CLN5: variants seen among roughly 807,000 people sequenced by gnomAD.
CLN5 encodes the protein CLN5 lysosomal BMP synthase.
In CLN5, 34 loss-of-function variants were observed where a neutral mutation model predicts 36.7. The observed-to-expected ratio is 0.93, with a 90% CI of 0.71 to 1.23. The LOEUF is 1.23. Ranked by LOEUF, CLN5 falls within the 50% of genes most tolerant of loss-of-function variation. The pLI is 0.00. For synonymous variants in CLN5, 151 were observed against 155.1 expected, an observed-to-expected ratio of 0.97 and a Z score of 0.20; for missense variants, 427 against 439.4, an observed-to-expected ratio of 0.97 and a Z score of 0.25.
chr13:76,994,390 C>G (rs1455462160), intron 1 of CLN5: 1 of 152,348 alleles, frequency 6.6e-6, no homozygotes. Flanking sequence ...CGGCCTTCAT[C>G]TCTTTCTTTG....
intron 1 of CLN5, 50 bp downstream of exon 1, chr13:76,992,321 T>TTG: frequency 2.6e-6 from 2 of 760,742 alleles, no homozygotes; most frequent in African/African-American, 2.1e-5. Context: ...GCGTTGACGA[T>TTG]GGGGGATGGG....
intron 2 of CLN5, 61 bp downstream of exon 2, chr13:76,995,289 T>G (rs1022330558): frequency 6.7e-7 from 1 of 1,481,596 alleles, no homozygotes; most frequent in Non-Finnish European, 9.4e-7. Flanking sequence ...ATTAAGTTGA[T>G]TTTTAAGGAG....
intron 3 of CLN5, chr13:76,997,472 T>C (rs2034288451): frequency 6.6e-6 from 1 of 152,210 alleles, no homozygotes; most frequent in Admixed American, 6.5e-5. Context: ...ATGGGATTGT[T>C]TTTTTCTTGC....
chr13:77,000,421 G>A lies in CLN5; in HGVS notation c.566-37G>A. On this transcript the variant is annotated intron_variant, in intron 3 of 3. Coordinates refer to ENST00000377453, the MANE Select transcript of CLN5 (RefSeq NM_006493.4). ...AAAAAAAATTAACATGATTAGCTTTGTTCACTAGGTGACTTTGTTTTGTTT... is the reference window on the plus strand; with the variant it reads ...AAAAAAAATTAACATGATTAGCTTTATTCACTAGGTGACTTTGTTTTGTTT... 3 of 1,483,790 alleles carry A rather than the reference G, an allele frequency of 2.0e-6. No homozygotes were observed. The South Asian group carries it at 3.6e-5, about 18-fold the overall frequency. The allele number at this position is 1,483,790 out of a possible 1,614,324, so 91.9% of individuals were successfully genotyped here.
At position 76,994,819 on chromosome 13, in the gene CLN5, A is replaced by G. The variant is rs568578440; in HGVS notation, c.174-244A>G. On this transcript the variant is annotated intron_variant, in intron 1 of 3. Transcript: ENST00000377453. ...TTTTAAGACAAAATTCCTGTCTTCA[A>G]AATTTTCACAGTGGGATCAGGGAAC... 98 of 409,240 alleles carry G rather than the reference A, an allele frequency of 2.4e-4. 2 individuals carry two copies. In the South Asian group the frequency reaches 3.5e-3, roughly 15 times the overall value. The allele number at this position is 409,240 out of a possible 1,614,324, so 25.4% of individuals were successfully genotyped here.
rs1159432395 is a variant in CLN5 at position 77,000,565 on chromosome 13, T to G, written c.673T>G (p.Trp225Gly). The G allele has an allele frequency of 6.2e-7, 1 of 1,614,086 alleles. No individual in the cohort carries two copies. Among genetic ancestry groups the G allele is most frequent in the Non-Finnish European group, 8.5e-7 (1 of 1,180,006 alleles). Residue 225 changes from tryptophan to glycine, a missense_variant, in exon 4 of 4, where the codon TGG (tryptophan) becomes GGG (glycine). Coordinates refer to ENST00000377453, the MANE Select transcript of CLN5 (RefSeq NM_006493.4). Reference protein sequence around the residue: ...KASPEKGAETWFDSYDCSKFV... With the variant: ...KASPEKGAETGFDSYDCSKFV... ...CAGCCCAGAAAAGGGGGCAGAGACA[T>G]GGTTTGATTCCTACGACTGTTCCAA...
intron 3 of CLN5, chr13:76,999,195 TAAAGGC>T (rs2034317485): frequency 6.6e-6 from 1 of 152,216 alleles, no homozygotes; most frequent in Admixed American, 6.5e-5. Context: ...ATAAAATTGA[TAAAGGC>T]AGTCACTCTA....
rs779057868 is a variant in CLN5 at position 76,992,134 on chromosome 13, G to C, written c.36G>C (p.Glu12Asp). The C allele has an allele frequency of 1.9e-6, 3 of 1,610,000 alleles. No homozygotes were observed. The highest frequency in any genetic ancestry group is 2.5e-6 in the Non-Finnish European group (3 of 1,178,526). The part of the protein sequence containing the change: ...AQEVDTAQGA[E>D]MRRGAGAARG... ...AGGTAGACACGGCACAGGGCGCCGA[G>C]ATGCGGCGGGGCGCGGGCGCGGCTC... Residue 12 changes from glutamate to aspartate, a missense_variant, in exon 1 of 4, where the codon GAG (glutamate) becomes GAC (aspartate). Physicochemically the swap from Glu to Asp is conservative, Grantham distance 45. Coordinates refer to ENST00000377453, the MANE Select transcript of CLN5 (RefSeq NM_006493.4).
chr13:76,996,378 T>C (rs1164847388), intron 3 of CLN5: 3 of 460,728 alleles, frequency 6.5e-6, no homozygotes, highest in African/African-American at 2.0e-5. Flanking sequence ...TGGTGATTTC[T>C]GAGATTTTTG....
intron 3 of CLN5, 93 bp downstream of exon 3, chr13:76,996,220 T>G: frequency 1.8e-6 from 2 of 1,101,684 alleles, no homozygotes; most frequent in Non-Finnish European, 2.8e-6. Flanking sequence ...TCAGTAATGT[T>G]TTACTTAGAG....
At chr13:76,994,790 A>C (rs1412149157) in intron 1 of CLN5, 1 of 371,030 alleles carries the variant, frequency 2.7e-6, no homozygotes, top group Non-Finnish European at 4.9e-6. Context: ...TGGAGCTATA[A>C]AAATTTTAAG....
At chr13:76,992,594 T>C in intron 1 of CLN5, 1 of 463,664 alleles carries the variant, frequency 2.2e-6, no homozygotes, top group Non-Finnish European at 3.8e-6. Context: ...AGCTGATTTC[T>C]TGAGTAGTTT....
At position 77,002,318 on chromosome 13, in the gene CLN5, C is replaced by A. The variant is rs773594392; in HGVS notation, c.*1349C>A. The A allele has an allele frequency of 1.1e-4, 16 of 152,212 alleles. No individual in the cohort carries two copies. Among genetic ancestry groups the A allele is most frequent in the Non-Finnish European group, 2.4e-4 (16 of 68,046 alleles). The allele number at this position is 152,212 out of a possible 1,614,324, so 9.4% of individuals were successfully genotyped here. A position where few individuals can be genotyped will look rare whatever the true frequency, so the allele number is the denominator to read the frequency against. ...AGTAGTAATGAAGTCAGGTCTTGAA[C>A]CCCGGTTCTGCTGACTGAATTGGAT... On this transcript the variant is annotated 3_prime_UTR_variant, in exon 4 of 4. Coordinates refer to ENST00000377453, the MANE Select transcript of CLN5 (RefSeq NM_006493.4).
rs1379671797 is a variant in CLN5, at chr13:77,004,715, AG to A, written c.*3748del. The A allele has an allele frequency of 1.3e-5, 2 of 152,162 alleles. No individual in the cohort carries two copies. The highest frequency in any genetic ancestry group is 1.3e-4 in the Admixed American group (2 of 15,276). The allele number at this position is 152,162 out of a possible 1,614,324, so 9.4% of individuals were successfully genotyped here. On this transcript the variant is annotated 3_prime_UTR_variant, in exon 4 of 4. Transcript: ENST00000377453. Reference sequence around the variant, plus strand: ...AAAAAAATTTTAAAGGACCTAGTGGAGGCTTGAACCTTCTTCACATGAACGT... The same window carrying A: ...AAAAAAATTTTAAAGGACCTAGTGGAGCTTGAACCTTCTTCACATGAACGT...
In CLN5 at chr13:77,001,242, T is replaced by C. The variant is rs987724748; in HGVS notation, c.*273T>C. The C allele has an allele frequency of 5.1e-5, 15 of 296,954 alleles. No homozygotes were observed. The highest frequency in any genetic ancestry group is 2.2e-4 in the African/African-American group (10 of 45,242). The allele number at this position is 296,954 out of a possible 1,614,324, so 18.4% of individuals were successfully genotyped here. A position where few individuals can be genotyped will look rare whatever the true frequency, so the allele number is the denominator to read the frequency against. On this transcript the variant is annotated 3_prime_UTR_variant, in exon 4 of 4. Transcript: ENST00000377453. ...GGAGAATTATGGTTCATATCAGTTA[T>C]GTAGGACCTTTGGACCCAGGGTCCT...
Position 77,001,022 on chromosome 13 carries a change from A to C in CLN5, c.*53A>C. ...CTCCAATCACCAGCATCTGTTTTTCAGGGGGTGATTTTACTTTTGTGAATT... is the reference window on the plus strand; with the variant it reads ...CTCCAATCACCAGCATCTGTTTTTCCGGGGGTGATTTTACTTTTGTGAATT... On this transcript the variant is annotated 3_prime_UTR_variant, in exon 4 of 4. Transcript: ENST00000377453. The C allele has an allele frequency of 6.6e-7, 1 of 1,515,682 alleles. No homozygotes were observed. Among genetic ancestry groups the C allele is most frequent in the Non-Finnish European group, 9.0e-7 (1 of 1,109,082 alleles). The allele number at this position is 1,515,682 out of a possible 1,614,324, so 93.9% of individuals were successfully genotyped here. A position where few individuals can be genotyped will look rare whatever the true frequency, so the allele number is the denominator to read the frequency against.
intron 1 of CLN5, 131 bp from the exon 2 acceptor site, chr13:76,994,932 G>A (rs756973088): frequency 1.4e-6 from 1 of 731,644 alleles, no homozygotes; most frequent in Non-Finnish European, 2.2e-6. Flanking sequence ...ATAACAAAAT[G>A]TGTGTTTATA....
At chr13:76,995,696 A>C in intron 2 of CLN5, 1 of 620,864 alleles carries the variant, frequency 1.6e-6, no homozygotes, top group Non-Finnish European at 2.9e-6. Flanking sequence ...GATGAGCCAA[A>C]TAGGGGTGTA....
At position 76,992,174 on chromosome 13, in the gene CLN5, T is replaced by C. The variant is rs199727787; in HGVS notation, c.76T>C (p.Trp26Arg). 1,866 of 1,605,492 alleles carry C rather than the reference T, an allele frequency of 1.2e-3. 14 individuals are homozygous for C. The Middle Eastern group carries it at 0.016, about 14-fold the overall frequency. ...GGGCGCGGCTCGGGGACGCGCTTCC[T>C]GGTGCTGGGCCCTGGCGCTGCTTTG... is the stretch of plus-strand genomic sequence containing the variant. ...GAGAARGRAS[W>R]CWALALLWLA... The change falls in exon 1 of 4, where the codon TGG becomes CGG. Residue 26 changes from tryptophan to arginine, a missense_variant. Trp to Arg is a moderately radical substitution (Grantham distance 101). Coordinates refer to ENST00000377453, the MANE Select transcript of CLN5 (RefSeq NM_006493.4).
Sources: gnomAD v4.1 joint callset for allele counts on GRCh38, gnomAD v4.1.1 for gene constraint, MANE v1.5 for transcripts, NCBI Gene and HGNC (gene_info 2026-07-23, HGNC 2026-07-21) for gene names.